The following SLC30A10 variants were observed in gnomAD, a reference collection of about 807,000 sequenced individuals.
The protein encoded by SLC30A10 is calcium/manganese antiporter SLC30A10.
In SLC30A10, 8 loss-of-function variants were observed where a neutral mutation model predicts 21.7. The observed-to-expected ratio is 0.37, with a 90% confidence interval of 0.22 to 0.67. SLC30A10 has a LOEUF of 0.67. Among genes scored for constraint, SLC30A10 ranks in the 30% least tolerant of loss-of-function variants. The pLI, the probability that SLC30A10 is intolerant of heterozygous loss-of-function variation, is 0.58. For synonymous variants in SLC30A10, 272 were observed against 279.4 expected, an observed-to-expected ratio of 0.97 and a Z score of 0.26; for missense variants, 521 against 642.5, an observed-to-expected ratio of 0.81 and a Z score of 2.04.
In SLC30A10 at chr1:219,912,072, A is replaced by T. The variant is rs1659425711; in HGVS notation, c.*3377T>A. ...AGGGCAGCTGTCTTATTGTAATCCC[A>T]AATCTACCTCAGTGATTTCCTTGAC... On this transcript the variant is annotated 3_prime_UTR_variant, in exon 4 of 4. Coordinates refer to ENST00000366926, the MANE Select transcript of SLC30A10 (RefSeq NM_018713.3). Among the ~76,000 whole-genome samples, 1 of 151,294 alleles carries T rather than the reference A, an allele frequency of 6.6e-6. No homozygotes were observed. Among genetic ancestry groups the T allele is most frequent in the Non-Finnish European group, 1.5e-5 (1 of 67,928 alleles).
intron 1 of SLC30A10, among the ~76,000 whole-genome samples, chr1:219,950,520 T>A: frequency 6.6e-6 from 1 of 151,724 alleles, no homozygotes; most frequent in East Asian, 1.9e-4. Context: ...GTGCCTGTAG[T>A]CCCAGCTACT....
rs1305484184 is a variant in SLC30A10 at position 219,918,217 on chromosome 1, AT to A, written c.958+37del. On this transcript the variant is annotated intron_variant, in intron 3 of 3. Coordinates refer to ENST00000366926, the MANE Select transcript of SLC30A10 (RefSeq NM_018713.3). The surrounding 1 kb of genome is among the most constrained non-coding windows in gnomAD (Gnocchi z 4.4). ...TGTCCTTTGGCCTGAATAACATTAA[AT>A]TGAGAGTGGTTCTGGATCAAAATTC... is the stretch of plus-strand genomic sequence containing the variant. 6.2e-7 allele frequency: 1 copy of A among 1,603,894 alleles called. No homozygotes were observed. Among genetic ancestry groups the A allele is most frequent in the Non-Finnish European group, 8.5e-7 (1 of 1,174,852 alleles).
rs1659887192 is a variant in SLC30A10, at chr1:219,928,011, A to G, written c.430T>C (p.Cys144Arg). 1 of 1,567,460 alleles carries G rather than the reference A, an allele frequency of 6.4e-7. No individual in the cohort carries two copies. The highest frequency in any genetic ancestry group is 8.6e-7 in the Non-Finnish European group (1 of 1,157,958). ...AGGCGGCGACTGCGTCCCCGGAGGC[A>G]GCACGCGAACCAGGCGGCGCAGTCC... is the stretch of plus-strand genomic sequence containing the variant. ...FQDCAAWFACCLRGRSRRLQQ... is the reference protein window; with the variant it reads ...FQDCAAWFACRLRGRSRRLQQ... Residue 144 changes from cysteine (C) to arginine (R), a missense_variant, in exon 1 of 4, where the codon TGC becomes CGC. Transcript: ENST00000366926. The surrounding 1 kb of genome is among the most constrained non-coding windows in gnomAD (Gnocchi z 6.3).
rs1660132416 is a variant in SLC30A10, at chr1:219,942,228, A to C, written n.81-15123T>G. Among the ~76,000 whole-genome samples, 4 of 152,256 alleles carry C rather than the reference A, an allele frequency of 2.6e-5. No individual in the cohort carries two copies. In the South Asian group the frequency reaches 8.3e-4, roughly 31 times the overall value. On this transcript the variant is annotated intron_variant and non_coding_transcript_variant, in intron 1 of 8. Coordinates refer to the SLC30A10 transcript ENST00000484239. ...GTAAAAGTCAAAATCCAGAAAGGTAAGTTGAAGTCAGAATCTGACTTAAGA... is the reference window on the plus strand; with the variant it reads ...GTAAAAGTCAAAATCCAGAAAGGTACGTTGAAGTCAGAATCTGACTTAAGA...
chr1:219,936,891 A>C (rs1156377006), intron 1 of SLC30A10, among the ~76,000 whole-genome samples: 2 of 152,184 alleles, frequency 1.3e-5, no homozygotes, highest in Non-Finnish European at 2.9e-5. Context: ...GTAATTCTGA[A>C]AGTGGCTTAG....
chr1:219,946,613 GT>G (rs773503155), intron 1 of SLC30A10, among the ~76,000 whole-genome samples: 37 of 152,184 alleles, frequency 2.4e-4, no homozygotes, highest in Admixed American at 6.5e-4. Context: ...GGCGGGTTAG[GT>G]TGAAGAAATG....
intron 2 of SLC30A10, among the ~76,000 whole-genome samples, chr1:219,924,546 C>T (rs1051783490): frequency 6.6e-6 from 1 of 152,194 alleles, no homozygotes; most frequent in Non-Finnish European, 1.5e-5. Context: ...GCCAGCCTCA[C>T]ACTTAGCCGG....
chr1:219,917,668 GT>G (rs1357369042), intron 3 of SLC30A10, among the ~76,000 whole-genome samples: 1 of 144,468 alleles, frequency 6.9e-6, no homozygotes, highest in African/African-American at 2.8e-5. Flanking sequence ...CCAGGAATAG[GT>G]ATTATCCAAG....
intron 1 of SLC30A10, among the ~76,000 whole-genome samples, chr1:219,945,535 C>T (rs140491444): frequency 3.7e-4 from 57 of 152,020 alleles, no homozygotes; most frequent in African/African-American, 1.3e-3. Flanking sequence ...GAATGCAACA[C>T]AGAACAACAA....
At chr1:219,928,571 T>G (rs2102536092), upstream of SLC30A10, 55 of 697,462 alleles carry the variant, frequency 7.9e-5, no homozygotes, top group Middle Eastern at 4.6e-4. This position sits in a 1 kb window ranked among gnomAD's most constrained non-coding sequence, Gnocchi z 6.3. Flanking sequence ...TCGCCGGCCC[T>G]GCCCCACCGC....
upstream of SLC30A10, among the ~76,000 whole-genome samples, chr1:219,932,403 T>G (rs749871810): frequency 5.9e-5 from 9 of 152,230 alleles, no homozygotes; most frequent in Non-Finnish European, 1.2e-4. Flanking sequence ...ATTTTTATAC[T>G]GGTATTTGAC....
intron 1 of SLC30A10, among the ~76,000 whole-genome samples, chr1:219,937,004 G>C (rs1371579089): frequency 6.6e-6 from 1 of 151,984 alleles, no homozygotes. Context: ...TGGTTGACTG[G>C]ATTTCATCTA....
At position 219,915,742 on chromosome 1, in the gene SLC30A10, C is replaced by T. The variant is rs1370133815; in HGVS notation, c.1165G>A (p.Glu389Lys). 6.2e-7 allele frequency: 1 copy of T among 1,614,178 alleles called. No homozygotes were observed. Among genetic ancestry groups the T allele is most frequent in the Non-Finnish European group, 8.5e-7 (1 of 1,180,040 alleles). The change falls in exon 4 of 4, where the codon GAA (glutamate) becomes AAA (lysine). Residue 389 changes from glutamate (E) to lysine (K), a missense_variant. Transcript: ENST00000366926. Reference protein sequence around the residue: ...TIQFENVDLKEPLEQKDLLLL... With the variant: ...TIQFENVDLKKPLEQKDLLLL... ...AGTAAGTCCTTCTGCTCCAGGGGTTCCTTCAAGTCCACATTTTCAAACTGG... is the reference window on the plus strand; with the variant it reads ...AGTAAGTCCTTCTGCTCCAGGGGTTTCTTCAAGTCCACATTTTCAAACTGG...
chr1:219,944,404 C>CGT (rs921774854), intron 1 of SLC30A10, among the ~76,000 whole-genome samples: 5 of 150,168 alleles, frequency 3.3e-5, no homozygotes, highest in South Asian at 2.1e-4. Flanking sequence ...GCCGAGATCG[C>CGT]GCCACTGCAG....
rs1659488403 is a variant in SLC30A10 at position 219,914,541 on chromosome 1, G to A, written c.*908C>T. The A allele has an allele frequency of 6.6e-6, 1 of 152,092 alleles. No individual in the cohort carries two copies. The highest frequency in any genetic ancestry group is 2.1e-4 in the South Asian group (1 of 4,814). The allele number at this position is 152,092 out of a possible 1,614,324, so 9.4% of individuals were successfully genotyped here. Reference sequence around the variant, plus strand: ...AGTGTTATGCATTCTGCTATCCCAGGAATACTCTTTTCTGGTAAATGCTGC... The same window carrying A: ...AGTGTTATGCATTCTGCTATCCCAGAAATACTCTTTTCTGGTAAATGCTGC... On this transcript the variant is annotated 3_prime_UTR_variant, in exon 4 of 4. Transcript: ENST00000366926.
chr1:219,910,811 A>C lies in SLC30A10; in HGVS notation c.*4638T>G, dbSNP rs543765531. On this transcript the variant is annotated 3_prime_UTR_variant, in exon 4 of 4. Transcript: ENST00000366926. ...ACAGTTGATCATCTAGCAAACATTC[A>C]AGAAAGTTCCATGTAAACAAAAAGG... 6.6e-6 allele frequency among the ~76,000 whole-genome samples: 1 copy of C among 152,348 alleles called. No individual in the cohort carries two copies. Among genetic ancestry groups the C allele is most frequent in the African/African-American group, 2.4e-5 (1 of 41,588 alleles).
chr1:219,928,610 A>C, upstream of SLC30A10: 2 of 561,308 alleles, frequency 3.6e-6, no homozygotes, highest in South Asian at 5.2e-5. The surrounding 1 kb of genome is among the most constrained non-coding windows in gnomAD (Gnocchi z 6.3). Flanking sequence ...GAGCGCCACC[A>C]GTCCCCGCAC....
chr1:219,931,701 G>A (rs1331167121), upstream of SLC30A10, among the ~76,000 whole-genome samples: 1 of 152,038 alleles, frequency 6.6e-6, no homozygotes, highest in Non-Finnish European at 1.5e-5. Flanking sequence ...AGCTGGTCTC[G>A]AACTCCTGGC....
intron 1 of SLC30A10, among the ~76,000 whole-genome samples, chr1:219,953,526 A>C (rs895904607): frequency 1.4e-4 from 21 of 151,680 alleles, no homozygotes; most frequent in African/African-American, 4.8e-4. Flanking sequence ...TGCTTGGACC[A>C]GGGAGGCAGA....
Sources: gnomAD v4.1 joint callset for allele counts (sites outside exome capture counted in the v4.1 genomes callset) on GRCh38, gnomAD v4.1.1 for gene constraint, Gnocchi (gnomAD v3.1) non-coding constraint, MANE v1.5 for transcripts, NCBI Gene and HGNC (gene_info 2026-07-23, HGNC 2026-07-21) for gene names.